CPNE6: variants seen among roughly 807,000 people sequenced by gnomAD.
The protein encoded by CPNE6 is copine 6.
Under a neutral mutation model 71.5 loss-of-function variants are expected in CPNE6, and 33 were observed. The observed-to-expected ratio is 0.46, with a 90% CI of 0.35 to 0.62. The LOEUF is 0.62. CPNE6 is among the 20% of genes least tolerant of loss of function. CPNE6 has a pLI of 0.00. For synonymous variants in CPNE6, 296 were observed against 293.0 expected, an observed-to-expected ratio of 1.01 and a Z score of -0.10; for missense variants, 576 against 747.3, an observed-to-expected ratio of 0.77 and a Z score of 2.67.
rs145526512 is a variant in CPNE6 at position 24,076,813 on chromosome 14, T to C, written c.1166-66T>C. 44 of 1,604,982 alleles carry C rather than the reference T, an allele frequency of 2.7e-5. 1 individual carries two copies. In the East Asian group the frequency reaches 9.4e-4, roughly 34 times the overall value. ...CTCAGACCTGGAAGCATTTCCTTGCTTTAAGGAGTGTCAGGAGGGGGCCCT... is the reference window on the plus strand; with the variant it reads ...CTCAGACCTGGAAGCATTTCCTTGCCTTAAGGAGTGTCAGGAGGGGGCCCT... On this transcript the variant is annotated intron_variant, in intron 14 of 17. Transcript: ENST00000397016.
In CPNE6 at chr14:24,076,613, A is replaced by G. The variant is rs970999796; in HGVS notation, c.1165+56A>G. 5.6e-6 allele frequency: 9 copies of G among 1,605,522 alleles called. No individual in the cohort carries two copies. The African/African-American group carries it at 1.1e-4, about 19-fold the overall frequency. ...TCCCCGCAGACACACTCCACACAGGAGCACAGACTCCACTCCCCAGGGCCC... is the reference window on the plus strand; with the variant it reads ...TCCCCGCAGACACACTCCACACAGGGGCACAGACTCCACTCCCCAGGGCCC... On this transcript the variant is annotated intron_variant, in intron 14 of 17. Transcript: ENST00000397016.
chr14:24,071,611 C>T (rs902262858), exon 2 of CPNE6: 39 of 1,246,616 alleles, frequency 3.1e-5, no homozygotes, highest in Non-Finnish European at 4.1e-5. Context: ...GCCAGAGAGC[C>T]GGAGAGAGGA....
chr14:24,075,626 G>C lies in CPNE6; in HGVS notation c.864+35G>C. 6.5e-7 allele frequency: 1 copy of C among 1,534,980 alleles called. No homozygotes were observed. On this transcript the variant is annotated intron_variant, in intron 10 of 17. Transcript: ENST00000397016. The surrounding 1 kb of genome is among the most constrained non-coding windows in gnomAD (Gnocchi z 4.3). ...ACTTCCTGCTTCAAGCCTTGCCCCA[G>C]CCCCTGCCCCTACCACACTCTCAGG...
Position 24,075,134 on chromosome 14 carries a change from T to C in CPNE6, c.673-38T>C, listed in dbSNP as rs2036019234. On this transcript the variant is annotated intron_variant, in intron 8 of 17. Coordinates refer to ENST00000397016, the Ensembl canonical transcript of CPNE6. The surrounding 1 kb of genome is among the most constrained non-coding windows in gnomAD (Gnocchi z 4.3). The stretch of plus-strand genomic sequence containing the variant: ...TACTCACCGTGAATACCGCAGAGCA[T>C]CTCCAACCTGACCCCACCCCTCCCC... The C allele has an allele frequency of 2.0e-6, 3 of 1,474,516 alleles. No individual in the cohort carries two copies. The African/African-American group carries it at 4.2e-5, about 20-fold the overall frequency. 91.3% of individuals were successfully genotyped at this position (1,474,516 alleles called of 1,614,324 possible).
At position 24,072,965 on chromosome 14, in the gene CPNE6, C is replaced by A. The variant is rs754644111; in HGVS notation, c.29C>A (p.Pro10His). The A allele has an allele frequency of 2.7e-5, 42 of 1,584,726 alleles. No homozygotes were observed. The South Asian group carries it at 4.8e-4, about 18-fold the overall frequency. Residue 10 changes from proline to histidine, a missense_variant, in exon 3 of 18, where the codon CCT (proline) becomes CAT (histidine). Pro to His is a moderately conservative substitution (Grantham distance 77, BLOSUM62 -2). Around this residue, in one of 4 missense-constraint regions of CPNE6, gnomAD observed 89 missense variants for 80.4 expected, o/e 1.11. Transcript: ENST00000397016. ...TCGGACCCTGAGATGGGATGGGTGC[C>A]TGAGCCCCCAACCATGACGCTGGGG...
chr14:24,076,794 C>T (rs1339773368), intron 14 of CPNE6, 85 bp from the exon 14 acceptor site: 2 of 1,595,062 alleles, frequency 1.3e-6, no homozygotes, highest in Non-Finnish European at 1.7e-6. Flanking sequence ...AGTCCTCAGA[C>T]CTGGAAGCAT....
Position 24,073,986 on chromosome 14 carries a change from C to T in CPNE6, c.349-65C>T, listed in dbSNP as rs2138846318. 4.3e-6 allele frequency: 6 copies of T among 1,380,726 alleles called. No individual in the cohort carries two copies. The highest frequency in any genetic ancestry group is 6.2e-6 in the Non-Finnish European group (6 of 967,302). The allele number at this position is 1,380,726 out of a possible 1,614,324, so 85.5% of individuals were successfully genotyped here. ...ACACTCAGAGCATTTATTATTCCAT[C>T]CCTTGTACGTGGCCAAGGCAGATGG... On this transcript the variant is annotated intron_variant, in intron 4 of 17. Transcript: ENST00000397016. This position sits in a 1 kb window ranked among gnomAD's most constrained non-coding sequence, Gnocchi z 5.5.
chr14:24,075,397 G>A lies in CPNE6; in HGVS notation c.778-108G>A, dbSNP rs1345777152. 14 of 1,397,012 alleles carry A rather than the reference G, an allele frequency of 1.0e-5. No individual in the cohort carries two copies. In the East Asian group the frequency reaches 3.2e-4, roughly 32 times the overall value. The allele number at this position is 1,397,012 out of a possible 1,614,324, so 86.5% of individuals were successfully genotyped here. On this transcript the variant is annotated intron_variant, in intron 9 of 17. Transcript: ENST00000397016. The surrounding 1 kb of genome is among the most constrained non-coding windows in gnomAD (Gnocchi z 4.3). ...AGAGGGTGGAAAGCACCTGGGCTCA[G>A]CTGAAGGACGGAACCATGGGGGTCT...
chr14:24,073,814 T>C lies in CPNE6; in HGVS notation c.348+136T>C, dbSNP rs963875554. On this transcript the variant is annotated intron_variant, in intron 4 of 17. Coordinates refer to ENST00000397016, the Ensembl canonical transcript of CPNE6. The surrounding 1 kb of genome is among the most constrained non-coding windows in gnomAD (Gnocchi z 5.5). ...GCTCCCATCTCTGCCATTCACTAGC[T>C]GTGCAGCCTCAGGAAAGATACTTAA... 3.0e-5 allele frequency: 29 copies of C among 972,414 alleles called. No individual in the cohort carries two copies. The African/African-American group carries it at 4.8e-4, about 16-fold the overall frequency. The allele number at this position is 972,414 out of a possible 1,614,324, so 60.2% of individuals were successfully genotyped here. A position where few individuals can be genotyped will look rare whatever the true frequency, so the allele number is the denominator to read the frequency against.
At position 24,073,205 on chromosome 14, in the gene CPNE6, C is replaced by A; in HGVS notation, c.168+101C>A. ...AAAGCCTTGCAGGGAAATGTGTGGACTCTGCGGCGCCTTCTCGAGGCCGCT... is the reference window on the plus strand; with the variant it reads ...AAAGCCTTGCAGGGAAATGTGTGGAATCTGCGGCGCCTTCTCGAGGCCGCT... On this transcript the variant is annotated intron_variant, in intron 3 of 17. Coordinates refer to ENST00000397016, the Ensembl canonical transcript of CPNE6. This position sits in a 1 kb window ranked among gnomAD's most constrained non-coding sequence, Gnocchi z 5.5. 1 of 1,282,302 alleles carries A rather than the reference C, an allele frequency of 7.8e-7. No homozygotes were observed. The highest frequency in any genetic ancestry group is 1.0e-6 in the Non-Finnish European group (1 of 982,452). 79.4% of individuals were successfully genotyped at this position (1,282,302 alleles called of 1,614,324 possible).
rs776585471 is a variant in CPNE6, at chr14:24,077,412, C to T, written c.1536+22C>T. 28 of 1,604,452 alleles carry T rather than the reference C, an allele frequency of 1.7e-5. No homozygotes were observed. The highest frequency in any genetic ancestry group is 1.6e-4 in the Middle Eastern group (1 of 6,074). On this transcript the variant is annotated intron_variant, in intron 16 of 17. Transcript: ENST00000397016. The surrounding 1 kb of genome is among the most constrained non-coding windows in gnomAD (Gnocchi z 6.1). ...GGATGTGAGTCCCCCGGGCCCCTTCCGGCTGAAGGACTCCTCAGCTTCTCA... is the reference window on the plus strand; with the variant it reads ...GGATGTGAGTCCCCCGGGCCCCTTCTGGCTGAAGGACTCCTCAGCTTCTCA...
Position 24,077,227 on chromosome 14 carries a change from G to A in CPNE6, c.1373G>A (p.Arg458His), listed in dbSNP as rs771034745. Residue 458 changes from arginine (R) to histidine (H), a missense_variant, in exon 16 of 18, where the codon CGT becomes CAT. This residue lies in a region of CPNE6 where 264 missense variants were observed against 339.9 expected (regional missense o/e 0.78). Transcript: ENST00000397016. This position sits in a 1 kb window ranked among gnomAD's most constrained non-coding sequence, Gnocchi z 6.1. ...GCTGAGACTCGCACTGCTATCGTGC[G>A]TGCCTCCCGCCTGCCCATGTCCATC... The A allele has an allele frequency of 6.2e-6, 10 of 1,612,720 alleles. No homozygotes were observed. Among genetic ancestry groups the A allele is most frequent in the East Asian group, 4.5e-5 (2 of 44,878 alleles).
chr14:24,072,780 ACT>A, intron 2 of CPNE6, 151 bp from the exon 2 acceptor site: 1 of 609,718 alleles, frequency 1.6e-6, no homozygotes, highest in African/African-American at 1.9e-5. Flanking sequence ...CCTGCTCAGA[ACT>A]CTGGTGAAGC....
rs774581501 is a variant in CPNE6, at chr14:24,074,619, G to A, written c.582+5G>A. On this transcript the variant is annotated splice_donor_5th_base_variant and intron_variant, in intron 7 of 17. Transcript: ENST00000397016. This position sits in a 1 kb window ranked among gnomAD's most constrained non-coding sequence, Gnocchi z 4.5. ...CAGCTGGTCTGGAGAACTGAGGTTGGTGCCTGGGGCTATGGGGATGAAGGG... is the reference window on the plus strand; with the variant it reads ...CAGCTGGTCTGGAGAACTGAGGTTGATGCCTGGGGCTATGGGGATGAAGGG... The A allele has an allele frequency of 6.8e-6, 11 of 1,614,174 alleles. No individual in the cohort carries two copies. The highest frequency in any genetic ancestry group is 3.3e-4 in the Middle Eastern group (2 of 6,062).
chr14:24,078,046 T>G, exon 18 of CPNE6: 1 of 274,396 alleles, frequency 3.6e-6, no homozygotes, highest in Non-Finnish European at 6.8e-6. Context: ...CCTTGGGTGA[T>G]CCTGACTTTC....
chr14:24,071,028 GGTTA>G lies in CPNE6; in HGVS notation c.-120+4_-120+7del. 2 of 1,535,612 alleles carry G rather than the reference GGTTA, an allele frequency of 1.3e-6. No individual in the cohort carries two copies. The highest frequency in any genetic ancestry group is 2.4e-5 in the East Asian group (1 of 40,916). On this transcript the variant is annotated splice_donor_variant and splice_donor_region_variant and intron_variant, in intron 1 of 17. Coordinates refer to ENST00000397016, the Ensembl canonical transcript of CPNE6. LOFTEE classifies it low-confidence loss of function (5UTR_SPLICE). The stretch of plus-strand genomic sequence containing the variant: ...GAAGATCACATCCTGCTGTATTCCG[GGTTA>G]GTTTGAGTGAGTACATGTGTGACAA...
exon 14 of CPNE6, chr14:24,076,514 T>A: frequency 6.8e-6 from 11 of 1,614,130 alleles, no homozygotes; most frequent in Non-Finnish European, 9.3e-6. Context: ...AGGTGTCCCA[T>A]GACTTTGCTA....
At chr14:24,076,444 T>C in intron 13 of CPNE6, 30 bp downstream of exon 12, 2 of 1,614,184 alleles carry the variant, frequency 1.2e-6, no homozygotes, top group African/African-American at 1.3e-5. Flanking sequence ...AAGAAGGAGA[T>C]GGGGGGCGTG....
At chr14:24,076,451 C>T (rs763885935) in intron 13 of CPNE6, 37 bp downstream of exon 12, 17 of 1,614,028 alleles carry the variant, frequency 1.1e-5, no homozygotes, top group Middle Eastern at 1.6e-4. Context: ...AGATGGGGGG[C>T]GTGTCAGTCA....
Sources: allele counts gnomAD v4.1 joint callset, GRCh38; gene constraint gnomAD v4.1.1; regional missense constraint gnomAD v4.1.1; non-coding constraint Gnocchi (gnomAD v3.1); transcripts MANE v1.5; gene names NCBI Gene and HGNC (gene_info 2026-07-23, HGNC 2026-07-21).